The following ASIC2 variants were observed in gnomAD, a reference collection of about 807,000 sequenced individuals.
The protein encoded by ASIC2 is acid-sensing ion channel 2.
Under a neutral mutation model 57.3 loss-of-function variants are expected in ASIC2, and 25 were observed. That is an observed-to-expected ratio of 0.44 (90% CI 0.32 to 0.61). ASIC2 has a LOEUF of 0.61. Ranked by LOEUF, ASIC2 falls within the 20% of genes least tolerant of loss-of-function variation. ASIC2 has a pLI of 0.06. For missense variants in ASIC2, 641 were observed against 738.1 expected, an observed-to-expected ratio of 0.87 and a Z score of 1.52; for synonymous variants, 319 against 307.5, an observed-to-expected ratio of 1.04 and a Z score of -0.39.
At chr17:33,644,889 G>A (rs918214723) in intron 1 of ASIC2, among the ~76,000 whole-genome samples, 2 of 152,212 alleles carry the variant, frequency 1.3e-5, no homozygotes, top group Non-Finnish European at 2.9e-5. Flanking sequence ...CTTTAGCTCA[G>A]TATGTAGGAA....
intron 1 of ASIC2, among the ~76,000 whole-genome samples, chr17:33,489,977 A>G (rs1179307385): frequency 6.6e-6 from 1 of 152,204 alleles, no homozygotes; most frequent in Admixed American, 6.5e-5. Flanking sequence ...CCTGATTTAA[A>G]CATTTCTTTC....
chr17:33,246,610 TA>T (rs1908698120), intron 1 of ASIC2, among the ~76,000 whole-genome samples: 1 of 152,078 alleles, frequency 6.6e-6, no homozygotes. Flanking sequence ...CAGGAGGAAA[TA>T]AGGAATCCCT....
chr17:33,533,503 A>C (rs766299548), intron 1 of ASIC2: 1 of 152,136 alleles, frequency 6.6e-6, no homozygotes, highest in Non-Finnish European at 1.5e-5. Flanking sequence ...GGGCCATGAC[A>C]TCTTCTCTAT....
intron 1 of ASIC2, among the ~76,000 whole-genome samples, chr17:33,870,947 A>C (rs1221468169): frequency 6.6e-6 from 1 of 152,190 alleles, no homozygotes; most frequent in East Asian, 1.9e-4. Context: ...TTGCCTTGCA[A>C]ACTGTCCTGA....
intron 1 of ASIC2, among the ~76,000 whole-genome samples, chr17:33,425,459 T>C (rs1379399015): frequency 3.3e-5 from 5 of 152,152 alleles, no homozygotes; most frequent in Non-Finnish European, 7.3e-5. Context: ...TTAAAATGTG[T>C]GCAAAAATAA....
At chr17:33,579,633 T>C (rs988921778) in intron 1 of ASIC2, among the ~76,000 whole-genome samples, 3 of 152,184 alleles carry the variant, frequency 2.0e-5, no homozygotes, top group Admixed American at 2.0e-4. Flanking sequence ...TTCAGCTGCG[T>C]CTGAAGTTTC....
At chr17:33,477,513 G>C (rs866227029) in intron 1 of ASIC2, among the ~76,000 whole-genome samples, 4 of 152,210 alleles carry the variant, frequency 2.6e-5, no homozygotes, top group Admixed American at 6.5e-5. Context: ...TGTCTCTTAA[G>C]TTTCTTCCTG....
chr17:33,272,961 C>T (rs763937386), intron 1 of ASIC2, among the ~76,000 whole-genome samples: 4 of 152,268 alleles, frequency 2.6e-5, no homozygotes, highest in South Asian at 2.1e-4. Context: ...CCTCTCTCCA[C>T]GCCAGCCTCC....
chr17:33,711,453 T>G (rs1393768378), intron 1 of ASIC2, among the ~76,000 whole-genome samples: 2 of 152,212 alleles, frequency 1.3e-5, no homozygotes, highest in Admixed American at 6.5e-5. Flanking sequence ...GTGGCGGGGC[T>G]GGGAGCAATG....
At chr17:33,521,383 A>T (rs1914737810) in intron 1 of ASIC2, among the ~76,000 whole-genome samples, 1 of 152,190 alleles carries the variant, frequency 6.6e-6, no homozygotes, top group East Asian at 1.9e-4. Flanking sequence ...GCTGACAGTT[A>T]TTCACTCTGA....
At chr17:33,902,607 G>A (rs545459818) in intron 1 of ASIC2, among the ~76,000 whole-genome samples, 1 of 152,192 alleles carries the variant, frequency 6.6e-6, no homozygotes, top group Non-Finnish European at 1.5e-5. Flanking sequence ...CGGCCGGGCT[G>A]GGGCAGGTTC....
chr17:33,461,019 T>G (rs1597735922), intron 1 of ASIC2, among the ~76,000 whole-genome samples: 1 of 152,230 alleles, frequency 6.6e-6, no homozygotes, highest in South Asian at 2.1e-4. Context: ...ATGATAATAG[T>G]CTGTTGCAGT....
chr17:34,123,634 G>C (rs1027341804), intron 1 of ASIC2, among the ~76,000 whole-genome samples: 21 of 152,206 alleles, frequency 1.4e-4, no homozygotes, highest in African/African-American at 5.1e-4. Context: ...AAATCCAGCA[G>C]CTGTCACTTA....
At chr17:33,836,280 T>A (rs950048972) in intron 1 of ASIC2, among the ~76,000 whole-genome samples, 4 of 151,818 alleles carry the variant, frequency 2.6e-5, no homozygotes, top group African/African-American at 9.7e-5. Flanking sequence ...CTTAGCTAGT[T>A]TTTTGTATTT....
chr17:33,917,094 A>G (rs1056321100), intron 1 of ASIC2, among the ~76,000 whole-genome samples: 4 of 152,088 alleles, frequency 2.6e-5, no homozygotes, highest in African/African-American at 9.7e-5. Flanking sequence ...GGCTGTTTGC[A>G]TCGCTCCTCC....
At chr17:33,451,789 T>C (rs1912259645) in intron 1 of ASIC2, among the ~76,000 whole-genome samples, 1 of 152,218 alleles carries the variant, frequency 6.6e-6, no homozygotes, top group Admixed American at 6.5e-5. Flanking sequence ...CATCAGGACC[T>C]GACCTAGTTT....
rs534887853 is a variant in ASIC2 at position 34,136,725 on chromosome 17, G to A, written c.555+19253C>T. Among the ~76,000 whole-genome samples the A allele has an allele frequency of 3.3e-5, 5 of 152,284 alleles. No homozygotes were observed. The South Asian group carries it at 6.2e-4, about 19-fold the overall frequency. On this transcript the variant is annotated intron_variant, in intron 1 of 9. Coordinates refer to the ASIC2 transcript ENST00000359872. ...GCAGTACCTCAACCACCTTGGGTAC[G>A]TGTTCTCAAGACCTGTGTCATGAGC... is the stretch of plus-strand genomic sequence containing the variant.
chr17:33,573,003 G>GA (rs1318694902), intron 1 of ASIC2, among the ~76,000 whole-genome samples: 1 of 152,198 alleles, frequency 6.6e-6, no homozygotes, highest in Non-Finnish European at 1.5e-5. Flanking sequence ...CAAGGATCCT[G>GA]AATCTTAGTT....
chr17:34,046,864 T>C (rs1908357407), intron 1 of ASIC2, among the ~76,000 whole-genome samples: 1 of 152,208 alleles, frequency 6.6e-6, no homozygotes, highest in Admixed American at 6.5e-5. Context: ...ACTCCCTGTC[T>C]GTTAGATTTA....
Sources: allele counts gnomAD v4.1 joint callset (sites outside exome capture counted in the v4.1 genomes callset), GRCh38; gene constraint gnomAD v4.1.1; transcripts MANE v1.5; gene names NCBI Gene and HGNC (gene_info 2026-07-23, HGNC 2026-07-21).